The following CELF2 variants were observed in gnomAD, a reference collection of about 807,000 sequenced individuals.
CELF2 encodes the protein CUG triplet repeat RNA-binding protein 2.
In CELF2, 8 loss-of-function variants were observed where a neutral mutation model predicts 62.6. That is an observed-to-expected ratio of 0.13 (90% CI 0.07 to 0.23). The LOEUF (loss-of-function observed/expected upper bound fraction) is 0.23. CELF2 is among the 10% of genes least tolerant of loss of function. The pLI is 1.00. For missense variants in CELF2, 333 were observed against 671.0 expected (o/e 0.50, Z 5.56); for synonymous variants, 258 against 250.0 (o/e 1.03, Z -0.30).
intron 1 of CELF2, among the ~76,000 whole-genome samples, chr10:11,052,585 G>T (rs2064171593): frequency 1.3e-5 from 2 of 152,302 alleles, no homozygotes; most frequent in South Asian, 4.1e-4. Flanking sequence ...AAAGCTAACT[G>T]CAATTAGGTA....
At chr10:10,808,787 A>G (rs777318565) in intron 1 of CELF2, among the ~76,000 whole-genome samples, 1 of 152,348 alleles carries the variant, frequency 6.6e-6, no homozygotes, top group Middle Eastern at 3.4e-3. Context: ...TCCTAGGAAG[A>G]TTACTAAAAA....
At chr10:10,741,540 A>G in the CELF2 span, among the ~76,000 whole-genome samples, 5 of 150,884 alleles carry the variant, frequency 3.3e-5, no homozygotes, top group Non-Finnish European at 2.9e-5. Flanking sequence ...TTTGGAGAAT[A>G]CTCATCGGTT....
intron 12 of CELF2, among the ~76,000 whole-genome samples, chr10:11,326,296 T>C (rs1430254207): frequency 2.6e-5 from 4 of 152,210 alleles, no homozygotes; most frequent in Admixed American, 2.6e-4. Flanking sequence ...GGCAACACCA[T>C]ATTGGGGGCT....
chr10:10,666,867 A>C, the CELF2 span, among the ~76,000 whole-genome samples: 1 of 149,616 alleles, frequency 6.7e-6, no homozygotes, highest in African/African-American at 2.5e-5. Flanking sequence ...GTCTCAAAAA[A>C]AAAAAAAAAA....
Position 11,220,487 on chromosome 10 carries a change from T to C in CELF2, c.354+2980T>C, listed in dbSNP as rs1013384860. ...CCCTCCTTTACATGTCAGGAATGAA[T>C]TTTAGAAACCCTTTACATGGGGCTG... On this transcript the variant is annotated intron_variant, in intron 3 of 12. Coordinates refer to ENST00000633077, the MANE Select transcript of CELF2 (RefSeq NM_001326342.2). This position sits in a 1 kb window ranked among gnomAD's most constrained non-coding sequence, Gnocchi z 4.4. Among the ~76,000 whole-genome samples, 4 of 152,214 alleles carry C rather than the reference T, an allele frequency of 2.6e-5. No homozygotes were observed. Among genetic ancestry groups the C allele is most frequent in the African/African-American group, 9.6e-5 (4 of 41,456 alleles).
At chr10:10,868,818 A>C (rs2060545060) in intron 1 of CELF2, among the ~76,000 whole-genome samples, 1 of 152,220 alleles carries the variant, frequency 6.6e-6, no homozygotes, top group African/African-American at 2.4e-5. Flanking sequence ...AGTTCAATAA[A>C]AAGTTTAAAC....
At chr10:11,050,407 G>A (rs1219405418) in intron 1 of CELF2, among the ~76,000 whole-genome samples, 2 of 152,210 alleles carry the variant, frequency 1.3e-5, no homozygotes, top group Non-Finnish European at 2.9e-5. Context: ...CGTGAGATGA[G>A]TGACACTGCT....
chr10:10,799,846 T>C (rs920822721), intron 1 of CELF2, among the ~76,000 whole-genome samples: 2 of 152,202 alleles, frequency 1.3e-5, no homozygotes, highest in African/African-American at 2.4e-5. Flanking sequence ...AAATGCGTTT[T>C]TGGCAATTTT....
chr10:10,966,422 T>G (rs935702920), intron 2 of CELF2: 1 of 152,302 alleles, frequency 6.6e-6, no homozygotes, highest in African/African-American at 2.4e-5. Flanking sequence ...TAATGTCTTT[T>G]CTTGCTTCCG....
In CELF2 at chr10:11,336,588, A is replaced by G. The variant is rs1314242557; in HGVS notation, c.*7535A>G. ...TCTAAGGGGTATTTTTGTTCTTTTAAGTCTTGAGTGATACAGGATATTTTT... is the reference window on the plus strand; with the variant it reads ...TCTAAGGGGTATTTTTGTTCTTTTAGGTCTTGAGTGATACAGGATATTTTT... On this transcript the variant is annotated 3_prime_UTR_variant, in exon 13 of 13. Transcript: ENST00000633077. The surrounding 1 kb of genome is among the most constrained non-coding windows in gnomAD (Gnocchi z 5.4). 6.6e-6 allele frequency: 1 copy of G among 152,596 alleles called. No individual in the cohort carries two copies. Among genetic ancestry groups the G allele is most frequent in the African/African-American group, 2.4e-5 (1 of 41,418 alleles). The allele number at this position is 152,596 out of a possible 1,614,324, so 9.5% of individuals were successfully genotyped here.
intron 1 of CELF2, chr10:11,105,437 G>A (rs558674341): frequency 6.6e-6 from 1 of 152,334 alleles, no homozygotes; most frequent in East Asian, 1.9e-4. Flanking sequence ...TCCTGAAGCA[G>A]AATAAGACAT....
intron 2 of CELF2, among the ~76,000 whole-genome samples, chr10:10,977,874 C>T (rs2051536473): frequency 6.6e-6 from 1 of 152,046 alleles, no homozygotes; most frequent in African/African-American, 2.4e-5. Flanking sequence ...CTTGATTGTC[C>T]CCATCTCCTG....
intron 1 of CELF2, among the ~76,000 whole-genome samples, chr10:11,100,021 C>T (rs1015109102): frequency 7.3e-5 from 11 of 151,514 alleles, no homozygotes; most frequent in South Asian, 4.2e-4. Context: ...GCCAACATGG[C>T]GAAACCCCGT....
chr10:10,541,001 G>C, the CELF2 span, among the ~76,000 whole-genome samples: 1 of 152,224 alleles, frequency 6.6e-6, no homozygotes, highest in East Asian at 1.9e-4. Flanking sequence ...ACTCCAGCCT[G>C]GGCGACAAGG....
rs79283840 is a variant in CELF2, at chr10:11,280,533, A to T, written c.841+5413A>T. On this transcript the variant is annotated intron_variant, in intron 8 of 12. Coordinates refer to ENST00000633077, the MANE Select transcript of CELF2 (RefSeq NM_001326342.2). The surrounding 1 kb of genome is among the most constrained non-coding windows in gnomAD (Gnocchi z 7.6). Reference sequence around the variant, plus strand: ...GGTGGGAGGAGCCAAGACATCAGCCACCAGGGACGTGCATCGTTGCCAGGG... The same window carrying T: ...GGTGGGAGGAGCCAAGACATCAGCCTCCAGGGACGTGCATCGTTGCCAGGG... Among the ~76,000 whole-genome samples the T allele has an allele frequency of 9.0e-3, 1,373 of 152,304 alleles. 9 individuals carry two copies. Among genetic ancestry groups the T allele is most frequent in the Middle Eastern group, 0.048 (14 of 294 alleles).
chr10:10,956,842 G>T (rs1385168382), intron 2 of CELF2, among the ~76,000 whole-genome samples: 2 of 152,178 alleles, frequency 1.3e-5, no homozygotes, highest in Middle Eastern at 3.4e-3. Flanking sequence ...GCTGAGGCTG[G>T]AGGATCACTT....
intron 3 of CELF2, among the ~76,000 whole-genome samples, chr10:11,221,543 A>C: frequency 6.6e-6 from 1 of 151,730 alleles, no homozygotes; most frequent in South Asian, 2.1e-4. Context: ...CAAGGTCTTA[A>C]CACATATTGT....
chr10:11,329,036 G>A lies in CELF2; in HGVS notation c.1549G>A (p.Asp517Asn). 2 of 1,612,922 alleles carry A rather than the reference G, an allele frequency of 1.2e-6. No homozygotes were observed. The highest frequency in any genetic ancestry group is 8.5e-7 in the Non-Finnish European group (1 of 1,179,178). Residue 517 changes from aspartate to asparagine, a missense_variant, in exon 13 of 13, where the codon GAC becomes AAC. By Grantham distance (23) the Asp-to-Asn change is conservative (BLOSUM62 1). Coordinates refer to ENST00000633077, the MANE Select transcript of CELF2 (RefSeq NM_001326342.2). The surrounding 1 kb of genome is among the most constrained non-coding windows in gnomAD (Gnocchi z 5.5). Reference protein sequence around the residue: ...LKVQLKRSKNDSKPY With the variant: ...LKVQLKRSKNNSKPY ...GGTGCAGCTGAAGCGTTCCAAAAACGACAGCAAACCTTACTGATCCTAACC... is the reference window on the plus strand; with the variant it reads ...GGTGCAGCTGAAGCGTTCCAAAAACAACAGCAAACCTTACTGATCCTAACC...
chr10:11,333,195 C>G lies in CELF2; in HGVS notation c.*4142C>G, dbSNP rs1250469944. 7.0e-6 allele frequency: 1 copy of G among 141,984 alleles called. No homozygotes were observed. The highest frequency in any genetic ancestry group is 2.2e-4 in the East Asian group (1 of 4,588). The allele number at this position is 141,984 out of a possible 1,614,324, so 8.8% of individuals were successfully genotyped here. A position where few individuals can be genotyped will look rare whatever the true frequency, so the allele number is the denominator to read the frequency against. ...TCGAGTGTTTCTTCTTCACAAGTCA[C>G]CAAGAGAGGACATGAGGGGGAAAGT... On this transcript the variant is annotated 3_prime_UTR_variant, in exon 13 of 13. Transcript: ENST00000633077.
Sources: allele counts gnomAD v4.1 joint callset (sites outside exome capture counted in the v4.1 genomes callset), GRCh38; gene constraint gnomAD v4.1.1; non-coding constraint Gnocchi (gnomAD v3.1); transcripts MANE v1.5; gene names NCBI Gene and HGNC (gene_info 2026-07-23, HGNC 2026-07-21).